The following CHRM3 variants were observed in gnomAD, a reference collection of about 807,000 sequenced individuals.
CHRM3 encodes the protein muscarinic acetylcholine receptor M3.
Under a neutral mutation model 41.8 loss-of-function variants are expected in CHRM3, and 11 were observed. That is an observed-to-expected ratio of 0.26 (90% confidence interval 0.17 to 0.44). CHRM3 has a LOEUF of 0.44. Ranked by LOEUF, CHRM3 falls within the 20% of genes least tolerant of loss-of-function variation. The pLI, the probability that CHRM3 is intolerant of heterozygous loss-of-function variation, is 1.00. For missense variants in CHRM3, 571 were observed against 745.4 expected, an observed-to-expected ratio of 0.77 and a Z score of 2.72; for synonymous variants, 297 against 301.4, an observed-to-expected ratio of 0.99 and a Z score of 0.15.
In CHRM3 at chr1:239,438,626, G is replaced by A. The variant is rs1203878437; in HGVS notation, c.-521+51399G>A. Among the ~76,000 whole-genome samples, 5 of 152,112 alleles carry A rather than the reference G, an allele frequency of 3.3e-5. No individual in the cohort carries two copies. The East Asian group carries it at 5.8e-4, about 18-fold the overall frequency. On this transcript the variant is annotated intron_variant, in intron 1 of 6. Transcript: ENST00000676153. Reference sequence around the variant, plus strand: ...TGTGAGTTTGGCAGGGCTATTGTGCGATTATTTTTGAGATTTGGGAGGCTT... The same window carrying A: ...TGTGAGTTTGGCAGGGCTATTGTGCAATTATTTTTGAGATTTGGGAGGCTT...
rs61413371 is a variant in CHRM3, at chr1:239,869,189, C to T, written c.-19-38244C>T. Among the ~76,000 whole-genome samples, 142 of 152,034 alleles carry T rather than the reference C, an allele frequency of 9.3e-4. 2 individuals are homozygous for T. The highest frequency in any genetic ancestry group is 2.8e-3 in the African/African-American group (116 of 41,454). ...CAAAACAGCAGGTGAAGGTGGGGAG[C>T]GCACCTGGGCAGGACACCCAGCAGC... On this transcript the variant is annotated intron_variant, in intron 6 of 6. Coordinates refer to ENST00000676153, the MANE Select transcript of CHRM3 (RefSeq NM_001375978.1).
intron 5 of CHRM3, among the ~76,000 whole-genome samples, chr1:239,732,300 C>T (rs12029745): frequency 8.3e-6 from 1 of 120,344 alleles, no homozygotes; most frequent in African/African-American, 3.1e-5. Context: ...TAATATCTCA[C>T]TTAGATAAGT....
chr1:239,845,474 C>T (rs1470290534), intron 6 of CHRM3, among the ~76,000 whole-genome samples: 4 of 152,196 alleles, frequency 2.6e-5, no homozygotes, highest in Non-Finnish European at 5.9e-5. Context: ...GGTTGAAAGT[C>T]TTGTGTCTCC....
At chr1:239,715,657 G>A (rs1454246814) in intron 5 of CHRM3, among the ~76,000 whole-genome samples, 1 of 152,076 alleles carries the variant, frequency 6.6e-6, no homozygotes, top group Non-Finnish European at 1.5e-5. Context: ...AGGGAGGAAG[G>A]TAGGATCCAG....
At chr1:239,532,030 T>TTTTTTG (rs1657635096) in intron 2 of CHRM3, among the ~76,000 whole-genome samples, 2 of 108,526 alleles carry the variant, frequency 1.8e-5, no homozygotes, top group Non-Finnish European at 4.0e-5. Flanking sequence ...TTTTTTTTTT[T>TTTTTTG]GAGACGGAGT....
chr1:239,569,846 T>A (rs1352269065), intron 3 of CHRM3, among the ~76,000 whole-genome samples: 1 of 152,156 alleles, frequency 6.6e-6, no homozygotes, highest in African/African-American at 2.4e-5. Flanking sequence ...CATCCCAGAC[T>A]TTAGGCACAA....
intron 2 of CHRM3, among the ~76,000 whole-genome samples, 183 bp from the exon 3 acceptor site, chr1:239,545,458 T>C (rs1659199823): frequency 6.6e-6 from 1 of 152,186 alleles, no homozygotes; most frequent in South Asian, 2.1e-4. Context: ...ATTTATATTC[T>C]TAAAGCTAAT....
chr1:239,693,345 G>T (rs1558460488), intron 5 of CHRM3, among the ~76,000 whole-genome samples: 1 of 152,026 alleles, frequency 6.6e-6, no homozygotes, highest in Non-Finnish European at 1.5e-5. Context: ...CATAAATGAG[G>T]CCATAAGGGT....
rs1553356875 is a variant in CHRM3, at chr1:239,662,893, C to CTTCTTCTTCTTCTTCT, written c.-249-15292_-249-15291insTCTTCTTCTTCTTCTT. 3.0e-3 allele frequency among the ~76,000 whole-genome samples: 141 copies of CTTCTTCTTCTTCTTCT among 46,396 alleles called. 4 individuals carry two copies. Among genetic ancestry groups the CTTCTTCTTCTTCTTCT allele is most frequent in the African/African-American group, 0.011 (138 of 12,720 alleles). 30.4% of individuals were successfully genotyped at this position (46,396 alleles called of 152,430 possible). On this transcript the variant is annotated intron_variant, in intron 4 of 6. Transcript: ENST00000676153. Reference sequence around the variant, plus strand: ...TCTCCTCTTTCTCCTCTTCCTCCTCCTCTTCTTCTTCTTCTTCTTCTTCTT... The same window carrying CTTCTTCTTCTTCTTCT: ...TCTCCTCTTTCTCCTCTTCCTCCTCCTTCTTCTTCTTCTTCTTCTTCTTCTTCTTCTTCTTCTTCTT...
intron 1 of CHRM3, among the ~76,000 whole-genome samples, chr1:239,395,297 C>T (rs1428431569): frequency 1.3e-5 from 2 of 152,156 alleles, no homozygotes; most frequent in Non-Finnish European, 2.9e-5. Flanking sequence ...ATGTGGGTCA[C>T]TTGGCTTCAG....
At chr1:239,775,903 A>G (rs1417212400) in intron 5 of CHRM3, among the ~76,000 whole-genome samples, 1 of 152,206 alleles carries the variant, frequency 6.6e-6, no homozygotes, top group African/African-American at 2.4e-5. Context: ...AGCTGTAAGG[A>G]GAATTTCTGG....
At chr1:239,646,019 A>G (rs1464930071) in intron 4 of CHRM3, among the ~76,000 whole-genome samples, 1 of 152,230 alleles carries the variant, frequency 6.6e-6, no homozygotes, top group Non-Finnish European at 1.5e-5. Context: ...TGCACAATAC[A>G]TGCCAAGTGT....
intron 2 of CHRM3, among the ~76,000 whole-genome samples, chr1:239,532,260 C>T (rs1425712051): frequency 1.4e-5 from 2 of 145,574 alleles, no homozygotes; most frequent in Non-Finnish European, 3.0e-5. Context: ...ATCCGCCCAC[C>T]TCGGCCTCCC....
intron 6 of CHRM3, among the ~76,000 whole-genome samples, chr1:239,894,219 GC>G (rs781080487): frequency 2.0e-5 from 3 of 152,170 alleles, no homozygotes; most frequent in Non-Finnish European, 2.9e-5. Flanking sequence ...AAGGAAAAAA[GC>G]TTTTGATATT....
rs140973494 is a variant in CHRM3 at position 239,497,071 on chromosome 1, G to A, written c.-422+4264G>A. Among the ~76,000 whole-genome samples the A allele has an allele frequency of 3.3e-3, 497 of 152,250 alleles. 3 individuals carry two copies. Among genetic ancestry groups the A allele is most frequent in the African/African-American group, 0.011 (475 of 41,562 alleles). ...TATGTTTCTGGAAAGTAAATTTAGA[G>A]AGACATGTTATTTTAAGGAATGCCA... On this transcript the variant is annotated intron_variant, in intron 2 of 6. Transcript: ENST00000676153.
At chr1:239,787,422 C>A (rs1381180704) in intron 5 of CHRM3, among the ~76,000 whole-genome samples, 2 of 151,566 alleles carry the variant, frequency 1.3e-5, no homozygotes. Context: ...CGTGTAGAAG[C>A]TTGAAAGAAG....
intron 4 of CHRM3, among the ~76,000 whole-genome samples, chr1:239,661,146 A>G (rs967419445): frequency 2.6e-5 from 4 of 152,182 alleles, no homozygotes; most frequent in Non-Finnish European, 5.9e-5. Context: ...TGCTCAACAG[A>G]ACTAAAGAAC....
intron 1 of CHRM3, among the ~76,000 whole-genome samples, chr1:239,491,505 T>C (rs925015778): frequency 3.3e-5 from 5 of 152,374 alleles, no homozygotes; most frequent in Admixed American, 2.0e-4. Flanking sequence ...CATGTTGCCA[T>C]GAATGACAGA....
rs1672965585 is a variant in CHRM3 at position 239,659,073 on chromosome 1, A to G, written c.-249-19113A>G. On this transcript the variant is annotated intron_variant, in intron 4 of 6. Transcript: ENST00000676153. ...TTTAATAAATCCATTCCATGTTCAC[A>G]TTGTGAAAACAGTTTAACTTCTTCA... 2.0e-5 allele frequency among the ~76,000 whole-genome samples: 3 copies of G among 151,930 alleles called. No homozygotes were observed. The South Asian group carries it at 6.2e-4, about 32-fold the overall frequency.
Sources: gnomAD v4.1 joint callset for allele counts (sites outside exome capture counted in the v4.1 genomes callset) on GRCh38, gnomAD v4.1.1 for gene constraint, MANE v1.5 for transcripts, NCBI Gene and HGNC (gene_info 2026-07-23, HGNC 2026-07-21) for gene names.